The following PCDH11X variants were observed in gnomAD, a reference collection of about 807,000 sequenced individuals.
The protein encoded by PCDH11X is protocadherin 11 X-linked, also known as protocadherin-11 X-linked.
A neutral mutation model predicts 53.3 loss-of-function variants in PCDH11X; 18 were observed. The observed-to-expected ratio is 0.34, with a 90% CI of 0.23 to 0.50. The LOEUF is 0.50. Among genes scored for constraint, PCDH11X ranks in the 20% least tolerant of loss-of-function variants. The pLI is 0.98. For missense variants in PCDH11X, 570 were observed against 1,032.4 expected (o/e 0.55, Z 6.14); for synonymous variants, 279 against 393.3 (o/e 0.71, Z 3.44).
intron 7 of PCDH11X, among the ~76,000 whole-genome samples, chrX:92,256,590 G>A (rs1398297970): frequency 9.0e-6 from 1 of 111,497 alleles, no homozygotes; most frequent in African/African-American, 3.3e-5. Flanking sequence ...TGCATGTCCA[G>A]GATATGCAGG....
At chrX:92,457,305 A>G (rs2072926977) in intron 9 of PCDH11X, among the ~76,000 whole-genome samples, 1 of 109,243 alleles carries the variant, frequency 9.2e-6, no homozygotes, top group Non-Finnish European at 1.9e-5. Flanking sequence ...GTTGGTTCCA[A>G]GACTAAAAAT....
chrX:92,066,887 T>G (rs1322068443), intron 6 of PCDH11X, among the ~76,000 whole-genome samples: 6 of 112,063 alleles, frequency 5.4e-5, no homozygotes, highest in Non-Finnish European at 1.1e-4. Flanking sequence ...GCAGATAACT[T>G]GAGGTCAAGA....
intron 8 of PCDH11X, among the ~76,000 whole-genome samples, chrX:92,270,076 A>G (rs1489950123): frequency 9.3e-6 from 1 of 107,464 alleles, no homozygotes; most frequent in Non-Finnish European, 1.9e-5. Context: ...TTAAGTACAT[A>G]TTCCTTCTGT....
At chrX:92,361,072 G>T (rs2070335421) in intron 8 of PCDH11X, among the ~76,000 whole-genome samples, 3 of 109,986 alleles carry the variant, frequency 2.7e-5, no homozygotes, top group Admixed American at 9.7e-5. Flanking sequence ...CTCACAATTT[G>T]CCAGGTATTA....
At chrX:91,973,005 A>G (rs1184137311) in intron 6 of PCDH11X, among the ~76,000 whole-genome samples, 1 of 110,509 alleles carries the variant, frequency 9.0e-6, no homozygotes, top group Non-Finnish European at 1.9e-5. Context: ...TTATTGTGGC[A>G]TTATTCACAA....
chrX:91,819,334 T>C (rs1226580922), intron 4 of PCDH11X, among the ~76,000 whole-genome samples: 2 of 109,691 alleles, frequency 1.8e-5, no homozygotes, highest in African/African-American at 6.6e-5. Context: ...TAGGATTAGT[T>C]AAATTAATTT....
At chrX:92,310,931 A>G (rs2068936604) in intron 8 of PCDH11X, among the ~76,000 whole-genome samples, 1 of 111,926 alleles carries the variant, frequency 8.9e-6, no homozygotes, top group African/African-American at 3.2e-5. Flanking sequence ...GAGCAGTTTG[A>G]TATATAATAA....
intron 8 of PCDH11X, among the ~76,000 whole-genome samples, chrX:92,288,692 A>C (rs2068432414): frequency 9.0e-6 from 1 of 111,616 alleles, no homozygotes; most frequent in African/African-American, 3.3e-5. Context: ...AATAAAAATC[A>C]GAGGAAATGT....
intron 6 of PCDH11X, among the ~76,000 whole-genome samples, chrX:91,941,741 A>G: frequency 9.1e-6 from 1 of 110,359 alleles, no homozygotes; most frequent in Non-Finnish European, 1.9e-5. Flanking sequence ...CCACTCAATG[A>G]TAGCCGAATA....
At chrX:92,463,891 T>C (rs990545902) in intron 9 of PCDH11X, among the ~76,000 whole-genome samples, 12 of 111,138 alleles carry the variant, frequency 1.1e-4, no homozygotes, top group Non-Finnish European at 1.3e-4. Flanking sequence ...CTCTAGGCTA[T>C]GAAAGAAAAT....
At chrX:92,480,717 T>C (rs1411092299) in intron 10 of PCDH11X, among the ~76,000 whole-genome samples, 1 of 110,966 alleles carries the variant, frequency 9.0e-6, no homozygotes, top group Non-Finnish European at 1.9e-5. Flanking sequence ...AGGAACCCAA[T>C]GTGCTCGGAA....
intron 6 of PCDH11X, among the ~76,000 whole-genome samples, chrX:91,982,408 C>A (rs1328249740): frequency 9.1e-6 from 1 of 110,376 alleles, no homozygotes; most frequent in African/African-American, 3.3e-5. Context: ...AAAAAAGAAA[C>A]CTGGCATCTC....
At position 91,983,275 on chromosome X, in the gene PCDH11X, G is replaced by A. The variant is rs4022238; in HGVS notation, c.3033+104002G>A. ...TCATCTCGGTGCCTAGTGTATTGTC[G>A]GTGTTCTATTTCTCTGTAAACGTCA... On this transcript the variant is annotated intron_variant, in intron 6 of 10. Transcript: ENST00000682573. 39 of 896,111 alleles carry A rather than the reference G, an allele frequency of 4.4e-5. No homozygotes were observed. In the African/African-American group the frequency reaches 4.8e-4, roughly 11 times the overall value. 73.8% of individuals were successfully genotyped at this position (896,111 alleles called of 1,213,427 possible).
chrX:92,573,030 C>A (rs1422793718), intron 10 of PCDH11X, among the ~76,000 whole-genome samples: 2 of 110,994 alleles, frequency 1.8e-5, no homozygotes, highest in Non-Finnish European at 1.9e-5. Context: ...AATCATTCTA[C>A]CTTCTGAATA....
intron 1 of PCDH11X, among the ~76,000 whole-genome samples, chrX:91,788,740 G>A (rs886322236): frequency 3.6e-5 from 4 of 111,540 alleles, no homozygotes. Context: ...TTTACTTTGT[G>A]ACAGAGGAAG....
chrX:92,313,657 A>G, intron 8 of PCDH11X, among the ~76,000 whole-genome samples: 1 of 109,506 alleles, frequency 9.1e-6, no homozygotes, highest in Non-Finnish European at 1.9e-5. Flanking sequence ...TTATGAGAAC[A>G]TCATAGAATG....
chrX:91,823,192 G>T (rs527690445), intron 4 of PCDH11X, among the ~76,000 whole-genome samples: 13,306 of 109,822 alleles, frequency 0.12, 2,068 homozygotes, highest in African/African-American at 0.42. Flanking sequence ...TATTAGGTCC[G>T]CTTGGTGCAG....
intron 9 of PCDH11X, among the ~76,000 whole-genome samples, chrX:92,393,324 T>C (rs2067629430): frequency 9.1e-6 from 1 of 110,417 alleles, no homozygotes; most frequent in Admixed American, 9.8e-5. Flanking sequence ...CAGTCCATGG[T>C]AGAGAGGGGG....
chrX:92,186,616 G>A (rs1603134540), intron 6 of PCDH11X, among the ~76,000 whole-genome samples: 1 of 57,369 alleles, frequency 1.7e-5, no homozygotes, highest in South Asian at 1.3e-3. Context: ...CAACAAGAGC[G>A]AAACTCCGTC....
Sources: gnomAD v4.1 joint callset for allele counts (sites outside exome capture counted in the v4.1 genomes callset) on GRCh38, gnomAD v4.1.1 for gene constraint, MANE v1.5 for transcripts, NCBI Gene and HGNC (gene_info 2026-07-23, HGNC 2026-07-21) for gene names.